Variants in LRFN5 observed in about 807,000 individuals in gnomAD.
LRFN5 encodes the protein leucine rich repeat and fibronectin type III domain containing 5.
Under a neutral mutation model 45.6 loss-of-function variants are expected in LRFN5, and 24 were observed. The observed-to-expected ratio is 0.53, with a 90% confidence interval of 0.38 to 0.74. The LOEUF (loss-of-function observed/expected upper bound fraction) is 0.74, where lower values mean the gene tolerates loss of function less well. Among genes scored for constraint, LRFN5 ranks in the 30% least tolerant of loss-of-function variants. LRFN5 has a pLI of 0.00. For synonymous variants in LRFN5, 340 were observed against 313.8 expected (o/e 1.08, Z -0.88); for missense variants, 776 against 861.5 (o/e 0.90, Z 1.24).
At chr14:41,855,609 G>C (rs1889424445) in intron 2 of LRFN5, among the ~76,000 whole-genome samples, 2 of 152,094 alleles carry the variant, frequency 1.3e-5, no homozygotes, top group South Asian at 4.1e-4. Context: ...AGCATCCATG[G>C]CACATTTCCA....
chr14:41,694,928 C>T (rs957998922), intron 1 of LRFN5, among the ~76,000 whole-genome samples: 2 of 151,774 alleles, frequency 1.3e-5, no homozygotes, highest in Non-Finnish European at 2.9e-5. Flanking sequence ...AAAAACTAGA[C>T]ATGATTAAGC....
chr14:41,643,942 C>T (rs1879697897), intron 1 of LRFN5, among the ~76,000 whole-genome samples: 1 of 152,148 alleles, frequency 6.6e-6, no homozygotes, highest in African/African-American at 2.4e-5. Context: ...ACTAATCTTT[C>T]TCTACTCAGA....
At chr14:41,704,428 C>CTG (rs1194463733) in intron 1 of LRFN5, among the ~76,000 whole-genome samples, 7 of 42,434 alleles carry the variant, frequency 1.6e-4, no homozygotes, top group South Asian at 1.1e-3. Context: ...CTCTCTCTCT[C>CTG]TCTCTCTCTC....
At chr14:41,798,609 G>A (rs1253966274) in intron 2 of LRFN5, among the ~76,000 whole-genome samples, 1 of 151,940 alleles carries the variant, frequency 6.6e-6, no homozygotes, top group African/African-American at 2.4e-5. Context: ...TAGACTTTCA[G>A]CAAGCCCTTC....
intron 2 of LRFN5, among the ~76,000 whole-genome samples, chr14:41,861,254 T>A (rs925475254): frequency 6.6e-6 from 1 of 152,210 alleles, no homozygotes; most frequent in Non-Finnish European, 1.5e-5. Context: ...CAATTATTAC[T>A]ATGATCTTTG....
intron 1 of LRFN5, among the ~76,000 whole-genome samples, chr14:41,668,448 T>A (rs1449374184): frequency 6.6e-6 from 1 of 152,132 alleles, no homozygotes; most frequent in Non-Finnish European, 1.5e-5. Flanking sequence ...TATCTATGCA[T>A]TCTTTTTTTT....
At chr14:41,893,477 A>T in intron 4 of LRFN5, 1 of 984,696 alleles carries the variant, frequency 1.0e-6, no homozygotes, top group Non-Finnish European at 1.2e-6. Context: ...ATAATATCAT[A>T]AGATAGGTAC....
At chr14:41,846,519 C>G (rs549634019) in intron 2 of LRFN5, among the ~76,000 whole-genome samples, 25 of 152,004 alleles carry the variant, frequency 1.6e-4, no homozygotes, top group Non-Finnish European at 3.2e-4. Flanking sequence ...CATATACATA[C>G]CATTCAAAAA....
intron 2 of LRFN5, among the ~76,000 whole-genome samples, chr14:41,869,042 T>C (rs1398575849): frequency 1.3e-5 from 2 of 152,294 alleles, no homozygotes; most frequent in Middle Eastern, 3.4e-3. Context: ...ATAAATAAAA[T>C]CCAGAGTATT....
intron 1 of LRFN5, among the ~76,000 whole-genome samples, chr14:41,738,369 G>A (rs917082886): frequency 6.6e-6 from 1 of 152,106 alleles, no homozygotes; most frequent in Non-Finnish European, 1.5e-5. Flanking sequence ...AGACTTAAAT[G>A]TAAGACCTAA....
chr14:41,657,264 T>A (rs1181937990), intron 1 of LRFN5, among the ~76,000 whole-genome samples: 1 of 151,968 alleles, frequency 6.6e-6, no homozygotes, highest in Non-Finnish European at 1.5e-5. Flanking sequence ...GTTTTATAGG[T>A]AAGTGGGGCT....
intron 1 of LRFN5, among the ~76,000 whole-genome samples, chr14:41,678,004 G>C (rs543801296): frequency 6.6e-6 from 1 of 152,016 alleles, no homozygotes; most frequent in Non-Finnish European, 1.5e-5. Flanking sequence ...TATTGTCAGA[G>C]ATTGTCATGA....
chr14:41,861,635 T>A (rs79048091), intron 2 of LRFN5, among the ~76,000 whole-genome samples: 1 of 152,116 alleles, frequency 6.6e-6, no homozygotes, highest in African/African-American at 2.4e-5. Flanking sequence ...ACAGAATGCT[T>A]GCATAGTAGT....
In LRFN5 at chr14:41,727,105, C is replaced by G. The variant is rs142469377; in HGVS notation, c.-196-39749C>G. 9.9e-3 allele frequency among the ~76,000 whole-genome samples: 1,503 copies of G among 152,222 alleles called. 8 individuals carry two copies. Among genetic ancestry groups the G allele is most frequent in the East Asian group, 0.015 (78 of 5,170 alleles). ...ATTTGAAGATGGAATCACCATTGAC[C>G]TTTTACAGTGACAAGACTTTTTACT... On this transcript the variant is annotated intron_variant, in intron 1 of 5. Coordinates refer to ENST00000298119, the MANE Select transcript of LRFN5 (RefSeq NM_152447.5).
At chr14:41,619,539 A>G (rs560215222) in intron 1 of LRFN5, among the ~76,000 whole-genome samples, 2 of 152,082 alleles carry the variant, frequency 1.3e-5, no homozygotes, top group African/African-American at 4.8e-5. Flanking sequence ...ATTGGGTTGA[A>G]AGCCTCCCTG....
chr14:41,704,719 T>G (rs917151068), intron 1 of LRFN5, among the ~76,000 whole-genome samples: 2 of 152,128 alleles, frequency 1.3e-5, no homozygotes, highest in African/African-American at 4.8e-5. Context: ...CTTAGCTTTG[T>G]GTTTTTTTGA....
chr14:41,649,037 G>A (rs1284062956), intron 1 of LRFN5, among the ~76,000 whole-genome samples: 4 of 152,054 alleles, frequency 2.6e-5, no homozygotes, highest in African/African-American at 9.7e-5. Flanking sequence ...TTCAAGACCA[G>A]CCTGGCCAAC....
chr14:41,722,227 C>T (rs997674181), intron 1 of LRFN5, among the ~76,000 whole-genome samples: 5 of 151,904 alleles, frequency 3.3e-5, no homozygotes, highest in Admixed American at 1.3e-4. Flanking sequence ...TGATTGATAT[C>T]TTTTTAAAAT....
At chr14:41,734,470 T>G (rs75747156) in intron 1 of LRFN5, among the ~76,000 whole-genome samples, 7,562 of 150,386 alleles carry the variant, frequency 0.05, 247 homozygotes, top group Middle Eastern at 0.11. Flanking sequence ...TATAGCTATC[T>G]AGCTACCCCT....
Sources: allele counts gnomAD v4.1 joint callset (sites outside exome capture counted in the v4.1 genomes callset), GRCh38; gene constraint gnomAD v4.1.1; transcripts MANE v1.5; gene names NCBI Gene and HGNC (gene_info 2026-07-23, HGNC 2026-07-21).